The following EPHX4 variants were observed in gnomAD, a reference collection of about 807,000 sequenced individuals.
EPHX4 encodes epoxide hydrolase 4.
Under a neutral mutation model 44.9 loss-of-function variants are expected in EPHX4, and 31 were observed. That is an observed-to-expected ratio of 0.69 (90% CI 0.52 to 0.93). EPHX4 has a LOEUF of 0.93. Among genes scored for constraint, EPHX4 ranks in the 40% least tolerant of loss-of-function variants. The pLI, the probability that EPHX4 is intolerant of heterozygous loss-of-function variation, is 0.00. For missense variants in EPHX4, 373 were observed against 438.1 expected, an observed-to-expected ratio of 0.85 and a Z score of 1.33; for synonymous variants, 151 against 159.7, an observed-to-expected ratio of 0.95 and a Z score of 0.41.
At chr1:92,061,206 A>G (rs1400912748) in intron 6 of EPHX4, among the ~76,000 whole-genome samples, 4 of 152,140 alleles carry the variant, frequency 2.6e-5, no homozygotes, top group East Asian at 1.9e-4. Context: ...ATCAGTTAGT[A>G]AGTATAAAAT....
At chr1:92,051,079 C>G (rs911175661) in intron 5 of EPHX4, among the ~76,000 whole-genome samples, 1 of 152,142 alleles carries the variant, frequency 6.6e-6, no homozygotes, top group African/African-American at 2.4e-5. Flanking sequence ...GCAATCCTCC[C>G]ACCTCGGCTT....
intron 1 of EPHX4, among the ~76,000 whole-genome samples, 156 bp from the exon 2 acceptor site, chr1:92,032,348 TA>T (rs1038614138): frequency 3.7e-4 from 57 of 152,338 alleles, no homozygotes; most frequent in African/African-American, 1.3e-3. Flanking sequence ...TTCTTGATGT[TA>T]AAAATAAGGC....
chr1:92,040,888 A>G (rs1051977226), intron 2 of EPHX4, among the ~76,000 whole-genome samples: 1 of 152,108 alleles, frequency 6.6e-6, no homozygotes, highest in Non-Finnish European at 1.5e-5. Flanking sequence ...TAGCTTGCCT[A>G]CTGCACTCCA....
At chr1:92,054,104 T>G (rs1258485915) in intron 6 of EPHX4, among the ~76,000 whole-genome samples, 2 of 152,130 alleles carry the variant, frequency 1.3e-5, no homozygotes, top group Admixed American at 1.3e-4. Context: ...AATTTGAGGT[T>G]TAGGGATTTG....
At chr1:92,058,385 G>A (rs1457851783) in intron 6 of EPHX4, among the ~76,000 whole-genome samples, 1 of 151,512 alleles carries the variant, frequency 6.6e-6, no homozygotes, top group East Asian at 1.9e-4. Context: ...AGGTTGTGGT[G>A]AGCCAAGGTC....
At chr1:92,031,767 G>T (rs1688365565) in intron 1 of EPHX4, among the ~76,000 whole-genome samples, 2 of 152,128 alleles carry the variant, frequency 1.3e-5, no homozygotes. Flanking sequence ...AATTCAGCCT[G>T]CTTAGTATTT....
Position 92,030,038 on chromosome 1 carries a change from C to A in EPHX4, c.-42C>A. The A allele has an allele frequency of 6.9e-7, 1 of 1,444,274 alleles. No individual in the cohort carries two copies. Among genetic ancestry groups the A allele is most frequent in the Non-Finnish European group, 9.2e-7 (1 of 1,090,972 alleles). 89.5% of individuals were successfully genotyped at this position (1,444,274 alleles called of 1,614,324 possible). A position where few individuals can be genotyped will look rare whatever the true frequency, so the allele number is the denominator to read the frequency against. Reference sequence around the variant, plus strand: ...CTGGCGCGCTGCGGCGCTCGCTCACCCGCTCCCGAGGAAGGGCAGTGGGCC... The same window carrying A: ...CTGGCGCGCTGCGGCGCTCGCTCACACGCTCCCGAGGAAGGGCAGTGGGCC... On this transcript the variant is annotated 5_prime_UTR_variant, in exon 1 of 7. Transcript: ENST00000370383.
intron 6 of EPHX4, 113 bp from the exon 7 acceptor site, chr1:92,062,942 T>C: frequency 3.3e-6 from 3 of 908,260 alleles, no homozygotes; most frequent in Non-Finnish European, 1.7e-6. Context: ...ATTTTCACCC[T>C]TTTAGAGGCA....
Position 92,052,673 on chromosome 1 carries a change from T to C in EPHX4, c.857+15T>C. Reference sequence around the variant, plus strand: ...AATATCTTCAGGTAAGTATAATTTCTTTTTAGTTAAATAAAAATATTTCAG... The same window carrying C: ...AATATCTTCAGGTAAGTATAATTTCCTTTTAGTTAAATAAAAATATTTCAG... On this transcript the variant is annotated intron_variant, in intron 6 of 6. Transcript: ENST00000370383. 6.4e-7 allele frequency: 1 copy of C among 1,569,878 alleles called. No homozygotes were observed. Among genetic ancestry groups the C allele is most frequent in the Non-Finnish European group, 8.6e-7 (1 of 1,164,128 alleles).
At position 92,045,564 on chromosome 1, in the gene EPHX4, TG is replaced by T. The variant is rs765115164; in HGVS notation, c.515del (p.Gly172AlafsTer2). 3.1e-6 allele frequency: 5 copies of T among 1,613,862 alleles called. No homozygotes were observed. Among genetic ancestry groups the T allele is most frequent in the Non-Finnish European group, 4.2e-6 (5 of 1,179,908 alleles). ...CAAATGTGTTCTTATTGGCCATGAC[TG>T]GGGGGGCATGATTGCTTGGCTAATT... ...YSKCVLIGHD[W>X]GGMIAWLIAI... On this transcript the variant is annotated frameshift_variant, in exon 4 of 7. Coordinates refer to ENST00000370383, the MANE Select transcript of EPHX4 (RefSeq NM_173567.5). LOFTEE classifies it high-confidence loss of function.
Position 92,063,224 on chromosome 1 carries a change from C to T in EPHX4, c.1027C>T (p.Pro343Ser). The T allele has an allele frequency of 6.2e-7, 1 of 1,613,764 alleles. No homozygotes were observed. The highest frequency in any genetic ancestry group is 8.5e-7 in the Non-Finnish European group (1 of 1,179,822). The change falls in exon 7 of 7, where the codon CCT (proline) becomes TCT (serine). Residue 343 changes from proline to serine, a missense_variant. Physicochemically the swap from Pro to Ser is moderately conservative, Grantham distance 74. Coordinates refer to ENST00000370383, the MANE Select transcript of EPHX4 (RefSeq NM_173567.5). ...CAGTCATTGGCTTCAGCAAGACCAA[C>T]CTGACATAGTGAACAAATTGATATG... is the stretch of plus-strand genomic sequence containing the variant. ...EASHWLQQDQ[P>S]DIVNKLIWTF...
In EPHX4 at chr1:92,034,668, G is replaced by GTC. The variant is rs549788210; in HGVS notation, c.317+2080_317+2081dup. Among the ~76,000 whole-genome samples, 547 of 140,328 alleles carry GTC rather than the reference G, an allele frequency of 3.9e-3. 4 individuals carry two copies. Among genetic ancestry groups the GTC allele is most frequent in the African/African-American group, 0.014 (522 of 37,528 alleles). The allele number at this position is 140,328 out of a possible 152,430, so 92.1% of individuals were successfully genotyped here. On this transcript the variant is annotated intron_variant, in intron 2 of 6. Coordinates refer to ENST00000370383, the MANE Select transcript of EPHX4 (RefSeq NM_173567.5). ...TTCTTTTTTTTTTTTTTTTTAAACA[G>GTC]TCTTGCTCTGTTGCCCAGGCTAGAG...
At chr1:92,041,163 G>C (rs1688502680) in intron 2 of EPHX4, among the ~76,000 whole-genome samples, 1 of 152,006 alleles carries the variant, frequency 6.6e-6, no homozygotes, top group Non-Finnish European at 1.5e-5. Context: ...GGAATGCCTG[G>C]CTCAGCAGTG....
intron 2 of EPHX4, among the ~76,000 whole-genome samples, chr1:92,033,681 T>C (rs1310172353): frequency 6.6e-6 from 1 of 152,234 alleles, no homozygotes; most frequent in Non-Finnish European, 1.5e-5. Flanking sequence ...TTAGTTACTA[T>C]CTTCGTTCAT....
chr1:92,050,381 A>C lies in EPHX4; in HGVS notation c.669A>C (p.Pro223=), dbSNP rs772268370. 11 of 1,604,186 alleles carry C rather than the reference A, an allele frequency of 6.9e-6. No homozygotes were observed. The Admixed American group carries it at 1.0e-4, about 15-fold the overall frequency. ...KSSYYYFFQI[P]WFPEFMFSIN... is the part of the protein sequence containing the mutation. ...GTTATTATTACTTCTTCCAAATACCATGGTTCCCAGAATTTATGTTCTCAA... is the reference window on the plus strand; with the variant it reads ...GTTATTATTACTTCTTCCAAATACCCTGGTTCCCAGAATTTATGTTCTCAA... Residue 223 remains proline, a synonymous_variant, in exon 5 of 7, where the codon CCA becomes CCC. Transcript: ENST00000370383.
intron 6 of EPHX4, among the ~76,000 whole-genome samples, chr1:92,062,681 C>G (rs1270447787): frequency 6.6e-6 from 1 of 151,306 alleles, no homozygotes; most frequent in Non-Finnish European, 1.5e-5. Flanking sequence ...TTTTACTAGC[C>G]TCATCCAATT....
intron 2 of EPHX4, among the ~76,000 whole-genome samples, chr1:92,033,394 T>C (rs1386864834): frequency 1.3e-5 from 2 of 152,068 alleles, no homozygotes; most frequent in Non-Finnish European, 2.9e-5. Context: ...ATTTCTGAAA[T>C]AGTAACAAAA....
At chr1:92,045,483 A>C in intron 3 of EPHX4, 49 bp from the exon 4 acceptor site, 2 of 1,606,718 alleles carry the variant, frequency 1.2e-6, no homozygotes, top group Non-Finnish European at 1.7e-6. Flanking sequence ...GTAACAGTGC[A>C]CCCACCTGTT....
chr1:92,048,480 C>T (rs1240607822), intron 4 of EPHX4, among the ~76,000 whole-genome samples: 1 of 152,160 alleles, frequency 6.6e-6, no homozygotes. Context: ...TTTCAAATAA[C>T]TTGCCTATAT....
Sources: gnomAD v4.1 joint callset for allele counts (sites outside exome capture counted in the v4.1 genomes callset) on GRCh38, gnomAD v4.1.1 for gene constraint, MANE v1.5 for transcripts, NCBI Gene and HGNC (gene_info 2026-07-23, HGNC 2026-07-21) for gene names.